ZNF362: variants seen among roughly 807,000 people sequenced by gnomAD.
The protein encoded by ZNF362 is rotund homolog.
In ZNF362, 11 loss-of-function variants were observed where a neutral mutation model predicts 42.9. The ratio of observed to expected loss-of-function variants is 0.26; its 90% confidence interval spans 0.16 to 0.42. ZNF362 has a LOEUF of 0.42. ZNF362 is among the 20% of genes least tolerant of loss of function. ZNF362 has a pLI of 1.00. For missense variants in ZNF362, 362 were observed against 576.2 expected (o/e 0.63, Z 3.81); for synonymous variants, 255 against 257.3 (o/e 0.99, Z 0.09).
At chr1:33,264,975 ACACT>A (rs1407282616) in intron 1 of ZNF362, among the ~76,000 whole-genome samples, 3 of 152,046 alleles carry the variant, frequency 2.0e-5, no homozygotes, top group African/African-American at 7.2e-5. Flanking sequence ...ATATTTCAAA[ACACT>A]CACAGCATCT....
chr1:33,209,507 C>T, the ZNF362 span, among the ~76,000 whole-genome samples: 3 of 152,294 alleles, frequency 2.0e-5, no homozygotes, highest in Admixed American at 6.5e-5. Flanking sequence ...GATACCAGCT[C>T]TTCTTTGTAC....
At chr1:33,279,646 C>CTT (rs567406398) in intron 4 of ZNF362, among the ~76,000 whole-genome samples, 74,906 of 147,238 alleles carry the variant, frequency 0.51, 19,787 homozygotes, top group East Asian at 0.67. Context: ...AGTTAAGCCT[C>CTT]TTTTTTTTTT....
At chr1:33,210,703 C>A in the ZNF362 span, among the ~76,000 whole-genome samples, 1 of 152,016 alleles carries the variant, frequency 6.6e-6, no homozygotes, top group African/African-American at 2.4e-5. Context: ...CTCTTTTGAT[C>A]TTTGTTGGTT....
At chr1:33,177,280 A>C in the ZNF362 span, among the ~76,000 whole-genome samples, 2 of 152,208 alleles carry the variant, frequency 1.3e-5, no homozygotes, top group Non-Finnish European at 2.9e-5. This position sits in a 1 kb window ranked among gnomAD's most constrained non-coding sequence, Gnocchi z 4.1. Context: ...AATCAGAATA[A>C]AGACATTTAA....
the ZNF362 span, among the ~76,000 whole-genome samples, chr1:33,235,060 G>A: frequency 6.6e-6 from 1 of 152,126 alleles, no homozygotes; most frequent in South Asian, 2.1e-4. Context: ...CACCTGTGAT[G>A]GAGGCACCGT....
At chr1:33,155,645 C>G in the ZNF362 span, among the ~76,000 whole-genome samples, 13 of 152,272 alleles carry the variant, frequency 8.5e-5, no homozygotes, top group Admixed American at 1.3e-4. Context: ...AGGACAAGTT[C>G]CTAACAGCTC....
chr1:33,251,361 C>G, the ZNF362 span, among the ~76,000 whole-genome samples: 21 of 152,166 alleles, frequency 1.4e-4, no homozygotes, highest in African/African-American at 4.8e-4. Flanking sequence ...CTTAATAAAT[C>G]CCATGTTTGT....
the ZNF362 span, among the ~76,000 whole-genome samples, chr1:33,150,707 G>A: frequency 2.0e-3 from 306 of 152,286 alleles, no homozygotes; most frequent in African/African-American, 7.1e-3. Context: ...GTGGAATGTG[G>A]GCAATTCCCA....
chr1:33,158,095 T>C, the ZNF362 span, among the ~76,000 whole-genome samples: 1 of 152,172 alleles, frequency 6.6e-6, no homozygotes, highest in East Asian at 1.9e-4. Flanking sequence ...GCTGAGTGAT[T>C]GTGCAGGTGC....
chr1:33,229,360 T>C, the ZNF362 span, among the ~76,000 whole-genome samples: 1 of 151,766 alleles, frequency 6.6e-6, no homozygotes, highest in African/African-American at 2.4e-5. Flanking sequence ...CCCAGGCAGC[T>C]CCTTCACTTA....
chr1:33,158,342 T>C, the ZNF362 span: 6 of 1,613,666 alleles, frequency 3.7e-6, no homozygotes, highest in Admixed American at 1.7e-5. Context: ...ATATGTGAGG[T>C]TGGTCTCATG....
the ZNF362 span, among the ~76,000 whole-genome samples, chr1:33,193,004 C>CACACACACACACACACATATATATAT: frequency 7.3e-6 from 1 of 137,200 alleles, no homozygotes; most frequent in East Asian, 2.2e-4. Flanking sequence ...CACACACACA[C>CACACACACACACACACATATATATAT]ATATATATAT....
chr1:33,180,967 G>T, the ZNF362 span: 444 of 372,500 alleles, frequency 1.2e-3, 4 homozygotes, highest in African/African-American at 0.023. Flanking sequence ...CCCACCCCCC[G>T]CCCGGCCCCA....
In ZNF362 at chr1:33,295,307, T is replaced by C; in HGVS notation, c.1146+2T>C. ...ATGTGTGGGCGGGCCTACACCTCGG[T>C]GAGTGCCGGTCGGCCTGTGCCCTGC... On this transcript the variant is annotated splice_donor_variant, in intron 8 of 8. Transcript: ENST00000539719. LOFTEE classifies it high-confidence loss of function. The C allele has an allele frequency of 6.2e-7, 1 of 1,613,672 alleles. No homozygotes were observed. The highest frequency in any genetic ancestry group is 8.5e-7 in the Non-Finnish European group (1 of 1,179,850).
At chr1:33,181,013 CG>C in the ZNF362 span, 63 of 1,480,936 alleles carry the variant, frequency 4.3e-5, no homozygotes, top group East Asian at 3.3e-4. The surrounding 1 kb of genome is among the most constrained non-coding windows in gnomAD (Gnocchi z 6.5). Context: ...CCAGGCAGGC[CG>C]GGTAGCGCAC....
the ZNF362 span, among the ~76,000 whole-genome samples, chr1:33,150,413 A>G: frequency 2.0e-5 from 3 of 152,228 alleles, no homozygotes; most frequent in Non-Finnish European, 4.4e-5. Context: ...CTGTTCATAT[A>G]CCCACTGGAC....
At chr1:33,132,769 A>T in the ZNF362 span, among the ~76,000 whole-genome samples, 1 of 152,210 alleles carries the variant, frequency 6.6e-6, no homozygotes, top group Admixed American at 6.5e-5. Context: ...GTGTCATTGG[A>T]TGAGTGGAAG....
the ZNF362 span, among the ~76,000 whole-genome samples, chr1:33,228,328 G>C: frequency 1.1e-4 from 16 of 152,024 alleles, no homozygotes; most frequent in African/African-American, 2.9e-4. Flanking sequence ...CTTCCTATCT[G>C]GTACTCAGGC....
At chr1:33,165,347 G>C in the ZNF362 span, 1 of 860,766 alleles carries the variant, frequency 1.2e-6, no homozygotes, top group Non-Finnish European at 1.8e-6. The surrounding 1 kb of genome is among the most constrained non-coding windows in gnomAD (Gnocchi z 4.0). Flanking sequence ...TCCAGGTTTG[G>C]CTCCTTGAAG....
Sources: gnomAD v4.1 joint callset for allele counts (sites outside exome capture counted in the v4.1 genomes callset) on GRCh38, gnomAD v4.1.1 for gene constraint, Gnocchi (gnomAD v3.1) non-coding constraint, MANE v1.5 for transcripts, NCBI Gene and HGNC (gene_info 2026-07-23, HGNC 2026-07-21) for gene names.